ANXA2: variants seen among roughly 807,000 people sequenced by gnomAD.
ANXA2 encodes the protein annexin A2, also known as annexin II.
A neutral mutation model predicts 47.3 loss-of-function variants in ANXA2; 28 were observed. That is an observed-to-expected ratio of 0.59 (90% CI 0.44 to 0.81). The LOEUF (loss-of-function observed/expected upper bound fraction) is 0.81, where lower values mean the gene tolerates loss of function less well. Ranked by LOEUF, ANXA2 falls within the 40% of genes least tolerant of loss-of-function variation. ANXA2 has a pLI of 0.00. For synonymous variants in ANXA2, 172 were observed against 155.5 expected, an observed-to-expected ratio of 1.11 and a Z score of -0.79; for missense variants, 384 against 414.3, an observed-to-expected ratio of 0.93 and a Z score of 0.64.
intron 12 of ANXA2, 85 bp downstream of exon 12, chr15:60,348,990 C>T (rs1050694272): frequency 1.3e-6 from 2 of 1,538,498 alleles, no homozygotes; most frequent in African/African-American, 2.7e-5. Flanking sequence ...AAAATCGCCA[C>T]TCTGTCATCA....
chr15:60,395,966 A>G (rs1407092215), intron 1 of ANXA2: 2 of 152,222 alleles, frequency 1.3e-5, no homozygotes, highest in Non-Finnish European at 2.9e-5. Flanking sequence ...GACTGTGTTA[A>G]CACTCCTGGC....
intron 4 of ANXA2, among the ~76,000 whole-genome samples, 162 bp downstream of exon 4, chr15:60,364,265 CAT>C (rs928428553): frequency 7.2e-5 from 11 of 152,360 alleles, no homozygotes; most frequent in African/African-American, 1.7e-4. Flanking sequence ...CGCACACACA[CAT>C]GTGCAGTGAC....
In ANXA2 at chr15:60,351,212, C is replaced by A. The variant is rs774677802; in HGVS notation, c.818G>T (p.Arg273Leu). The A allele has an allele frequency of 6.2e-7, 1 of 1,614,148 alleles. No individual in the cohort carries two copies. Among genetic ancestry groups the A allele is most frequent in the South Asian group, 1.1e-5 (1 of 91,084 alleles). Reference sequence around the variant, plus strand: ...CCTTACCTTCATGGAGTCATACAGCCGATCAGCAAAATACAGGGGCTTGTT... The same window carrying A: ...CCTTACCTTCATGGAGTCATACAGCAGATCAGCAAAATACAGGGGCTTGTT... ...IQNKPLYFADRLYDSMKGKGT... is the reference protein window; with the variant it reads ...IQNKPLYFADLLYDSMKGKGT... Residue 273 changes from arginine (R) to leucine (L), a missense_variant, in exon 11 of 13, where the codon CGG (arginine) becomes CTG (leucine). Coordinates refer to ENST00000451270, the MANE Select transcript of ANXA2 (RefSeq NM_004039.3).
chr15:60,363,268 T>A (rs11071521), intron 4 of ANXA2, among the ~76,000 whole-genome samples: 3 of 152,076 alleles, frequency 2.0e-5, no homozygotes, highest in Middle Eastern at 3.4e-3. Flanking sequence ...ATTAATACAC[T>A]TCTAGTGAAA....
At chr15:60,374,025 C>T (rs887494021) in intron 3 of ANXA2, among the ~76,000 whole-genome samples, 1 of 152,128 alleles carries the variant, frequency 6.6e-6, no homozygotes, top group Non-Finnish European at 1.5e-5. Context: ...GTGCCTCTCC[C>T]AAGCCTGGCA....
At chr15:60,369,173 T>C (rs1440891289) in intron 3 of ANXA2, among the ~76,000 whole-genome samples, 1 of 152,346 alleles carries the variant, frequency 6.6e-6, no homozygotes, top group East Asian at 1.9e-4. Flanking sequence ...CTTTAACTTA[T>C]ATTTTGTTTC....
At chr15:60,375,809 A>G (rs975176573) in intron 3 of ANXA2, among the ~76,000 whole-genome samples, 1 of 152,194 alleles carries the variant, frequency 6.6e-6, no homozygotes, top group African/African-American at 2.4e-5. Context: ...CCCCCTTCTC[A>G]TAAGCACAAT....
chr15:60,347,721 G>C, intron 12 of ANXA2, 32 bp from the exon 13 acceptor site: 1 of 1,606,976 alleles, frequency 6.2e-7, no homozygotes, highest in Non-Finnish European at 8.5e-7. Flanking sequence ...AAGAAACGTG[G>C]TATCAGAAAA....
At chr15:60,385,209 T>C (rs998477953) in intron 2 of ANXA2, among the ~76,000 whole-genome samples, 2 of 152,184 alleles carry the variant, frequency 1.3e-5, no homozygotes, top group Non-Finnish European at 2.9e-5. Context: ...ATATTCTTGG[T>C]TTTTTAAAAG....
chr15:60,361,084 A>G, intron 4 of ANXA2, 30 bp from the exon 5 acceptor site: 1 of 1,457,246 alleles, frequency 6.9e-7, no homozygotes, highest in Non-Finnish European at 9.6e-7. Context: ...CATAAGGAAA[A>G]TATTTATTTT....
intron 3 of ANXA2, among the ~76,000 whole-genome samples, chr15:60,373,748 C>T (rs1460657110): frequency 1.3e-5 from 2 of 152,180 alleles, no homozygotes; most frequent in African/African-American, 2.4e-5. Flanking sequence ...AATGATAATA[C>T]TTATTTTACC....
chr15:60,350,846 G>A (rs556382886), intron 11 of ANXA2, among the ~76,000 whole-genome samples: 3 of 152,220 alleles, frequency 2.0e-5, no homozygotes, highest in Admixed American at 6.5e-5. Context: ...TATAGTGGGT[G>A]CTTAATAATC....
At chr15:60,378,693 C>T (rs568379190) in intron 3 of ANXA2, among the ~76,000 whole-genome samples, 66 of 152,274 alleles carry the variant, frequency 4.3e-4, no homozygotes, top group Non-Finnish European at 7.9e-4. Flanking sequence ...AGGCTGGGTG[C>T]GGTGTCTCAT....
chr15:60,368,103 C>T (rs557724179), intron 3 of ANXA2, among the ~76,000 whole-genome samples: 280 of 137,912 alleles, frequency 2.0e-3, no homozygotes, highest in Middle Eastern at 3.7e-3. Context: ...TAAACAGATG[C>T]TTGAAGGCAG....
At chr15:60,377,705 A>G (rs184230494) in intron 3 of ANXA2, among the ~76,000 whole-genome samples, 1 of 152,314 alleles carries the variant, frequency 6.6e-6, no homozygotes, top group Admixed American at 6.5e-5. Context: ...AAAAACCATA[A>G]TATCTACACA....
intron 7 of ANXA2, chr15:60,355,621 G>C (rs370522575): frequency 2.1e-5 from 10 of 467,116 alleles, no homozygotes; most frequent in African/African-American, 1.4e-4. Context: ...GAGGCAAAGT[G>C]ACCTTCCCTA....
At chr15:60,373,591 G>T (rs2062738589) in intron 3 of ANXA2, among the ~76,000 whole-genome samples, 1 of 152,188 alleles carries the variant, frequency 6.6e-6, no homozygotes, top group African/African-American at 2.4e-5. Context: ...ACACCCAGCA[G>T]GCTGACAGAT....
chr15:60,373,531 T>C (rs754814270), intron 3 of ANXA2, among the ~76,000 whole-genome samples: 2 of 152,128 alleles, frequency 1.3e-5, no homozygotes, highest in African/African-American at 2.4e-5. Context: ...CTCTGGGTCA[T>C]CCAGCACAAG....
chr15:60,369,970 C>T (rs564954856), intron 3 of ANXA2, among the ~76,000 whole-genome samples: 1 of 152,302 alleles, frequency 6.6e-6, no homozygotes, highest in African/African-American at 2.4e-5. Flanking sequence ...AACGACACAG[C>T]TTTTTGCCCT....
Sources: allele counts gnomAD v4.1 joint callset (sites outside exome capture counted in the v4.1 genomes callset), GRCh38; gene constraint gnomAD v4.1.1; transcripts MANE v1.5; gene names NCBI Gene and HGNC (gene_info 2026-07-23, HGNC 2026-07-21).